ANKHD1: variants seen among roughly 807,000 people sequenced by gnomAD.
ANKHD1 encodes the protein ankyrin repeat and KH domain-containing protein 1.
In ANKHD1, 31 loss-of-function variants were observed where a neutral mutation model predicts 230.5. That is an observed-to-expected ratio of 0.13 (90% CI 0.10 to 0.18). ANKHD1 has a LOEUF of 0.18. Among genes scored for constraint, ANKHD1 ranks in the 10% least tolerant of loss-of-function variants. The pLI is 1.00. For synonymous variants in ANKHD1, 1,074 were observed against 1,117.6 expected, an observed-to-expected ratio of 0.96 and a Z score of 0.78; for missense variants, 2,256 against 3,071.3, an observed-to-expected ratio of 0.73 and a Z score of 6.27.
At chr5:140,489,764 C>T (rs777318942) in intron 14 of ANKHD1, among the ~76,000 whole-genome samples, 1 of 152,124 alleles carries the variant, frequency 6.6e-6, no homozygotes, top group Non-Finnish European at 1.5e-5. Context: ...AATCATTTTA[C>T]TAGATTATTA....
In ANKHD1 at chr5:140,504,809, A is replaced by G; in HGVS notation, c.3005-12A>G. On this transcript the variant is annotated splice_polypyrimidine_tract_variant and intron_variant, in intron 15 of 33. Transcript: ENST00000360839. Reference sequence around the variant, plus strand: ...TTAAGTGGAATTTAGCAATATGAATATTGTTTTTCAGCTGTGAGTACCAGA... The same window carrying G: ...TTAAGTGGAATTTAGCAATATGAATGTTGTTTTTCAGCTGTGAGTACCAGA... The G allele has an allele frequency of 6.2e-7, 1 of 1,605,496 alleles. No individual in the cohort carries two copies. Among genetic ancestry groups the G allele is most frequent in the African/African-American group, 1.3e-5 (1 of 74,620 alleles).
Position 140,538,927 on chromosome 5 carries a change from A to G in ANKHD1, c.7413A>G (p.Pro2471=). The part of the protein sequence containing the change: ...SGFVDFSKGL[P]ISMYGGTIIP... Reference sequence around the variant, plus strand: ...TTTTCCTGCTGTTTTAGGGTCTGCCAATTTCCATGTATGGAGGCACCATAA... The same window carrying G: ...TTTTCCTGCTGTTTTAGGGTCTGCCGATTTCCATGTATGGAGGCACCATAA... The change falls in exon 33 of 34, where the codon CCA becomes CCG. Residue 2471 remains proline, a synonymous_variant. Coordinates refer to ENST00000360839, the MANE Select transcript of ANKHD1 (RefSeq NM_017747.3). 2 of 1,542,622 alleles carry G rather than the reference A, an allele frequency of 1.3e-6. No individual in the cohort carries two copies. Among genetic ancestry groups the G allele is most frequent in the Non-Finnish European group, 1.7e-6 (2 of 1,147,438 alleles).
chr5:140,483,210 C>G (rs764634442), intron 11 of ANKHD1, among the ~76,000 whole-genome samples: 1 of 151,832 alleles, frequency 6.6e-6, no homozygotes, highest in Non-Finnish European at 1.5e-5. Context: ...TAGGTTTAAC[C>G]GTATATAATT....
intron 2 of ANKHD1, among the ~76,000 whole-genome samples, chr5:140,436,827 A>G (rs1773484710): frequency 6.6e-6 from 1 of 151,950 alleles, no homozygotes; most frequent in Non-Finnish European, 1.5e-5. Flanking sequence ...TGTGGGAGAT[A>G]AATTTAGTTA....
chr5:140,424,881 A>AT (rs1318501212), intron 1 of ANKHD1, among the ~76,000 whole-genome samples: 1 of 152,208 alleles, frequency 6.6e-6, no homozygotes, highest in Non-Finnish European at 1.5e-5. Context: ...TCTGAAACAC[A>AT]TAGCTTCAGA....
At chr5:140,505,943 G>A in intron 18 of ANKHD1, 74 bp downstream of exon 18, 1 of 1,505,620 alleles carries the variant, frequency 6.6e-7, no homozygotes, top group Non-Finnish European at 8.8e-7. Flanking sequence ...TCGTATTTTA[G>A]CTACATGAAT....
chr5:140,437,578 C>G (rs1345572224), intron 2 of ANKHD1, among the ~76,000 whole-genome samples: 1 of 152,226 alleles, frequency 6.6e-6, no homozygotes, highest in East Asian at 1.9e-4. Context: ...TGGCGGCGCA[C>G]CCCTGTAATC....
intron 11 of ANKHD1, among the ~76,000 whole-genome samples, chr5:140,484,259 C>A (rs1226772596): frequency 6.6e-6 from 1 of 152,124 alleles, no homozygotes; most frequent in Non-Finnish European, 1.5e-5. Flanking sequence ...ATGAATATTT[C>A]TATAGTCTTA....
chr5:140,471,630 T>G (rs1776502297), intron 10 of ANKHD1, among the ~76,000 whole-genome samples: 1 of 152,210 alleles, frequency 6.6e-6, no homozygotes, highest in Admixed American at 6.5e-5. Flanking sequence ...ATTTGGAGAT[T>G]TAGTTGACTC....
At chr5:140,470,345 ATT>A (rs747520769) in intron 10 of ANKHD1, among the ~76,000 whole-genome samples, 7 of 142,600 alleles carry the variant, frequency 4.9e-5, no homozygotes, top group Non-Finnish European at 6.2e-5. Flanking sequence ...AATTTTTAAA[ATT>A]TTTTTTTTTT....
intron 14 of ANKHD1, among the ~76,000 whole-genome samples, chr5:140,493,311 C>T (rs769003385): frequency 5.3e-5 from 8 of 152,148 alleles, no homozygotes; most frequent in Admixed American, 1.3e-4. Context: ...GTGATCCACC[C>T]GTCTTGGCCT....
intron 7 of ANKHD1, among the ~76,000 whole-genome samples, chr5:140,451,436 T>C (rs1482472982): frequency 6.6e-6 from 1 of 152,216 alleles, no homozygotes; most frequent in Non-Finnish European, 1.5e-5. Context: ...TCAAAAGTGA[T>C]TAAGGCTGGG....
intron 24 of ANKHD1, among the ~76,000 whole-genome samples, chr5:140,515,212 A>G (rs1192448653): frequency 6.6e-6 from 1 of 151,838 alleles, no homozygotes; most frequent in Non-Finnish European, 1.5e-5. Context: ...CGGGAGGCAG[A>G]AGTTGCAGTG....
In ANKHD1 at chr5:140,453,550, C is replaced by A. The variant is rs530211743; in HGVS notation, c.1242+4245C>A. On this transcript the variant is annotated intron_variant, in intron 7 of 33. Coordinates refer to ENST00000360839, the MANE Select transcript of ANKHD1 (RefSeq NM_017747.3). The stretch of plus-strand genomic sequence containing the variant: ...CTCTACAAGCCAGAAGAGAATGGGG[C>A]CCAATATTCAACATTCTTAAAGAAA... Among the ~76,000 whole-genome samples, 19 of 151,512 alleles carry A rather than the reference C, an allele frequency of 1.3e-4. 1 individual carries two copies. Among genetic ancestry groups the A allele is most frequent in the Admixed American group, 9.9e-4 (15 of 15,172 alleles).
chr5:140,463,803 G>A (rs1411441195), intron 9 of ANKHD1, among the ~76,000 whole-genome samples: 2 of 152,044 alleles, frequency 1.3e-5, no homozygotes, highest in African/African-American at 4.8e-5. Flanking sequence ...CTACAGGCAT[G>A]TGCCATCATG....
intron 7 of ANKHD1, among the ~76,000 whole-genome samples, chr5:140,453,527 C>G (rs1268425840): frequency 2.0e-5 from 3 of 152,152 alleles, no homozygotes; most frequent in Admixed American, 1.3e-4. Context: ...GGCAGAAACT[C>G]TACAAGCCAG....
intron 10 of ANKHD1, among the ~76,000 whole-genome samples, chr5:140,476,258 C>T (rs144302088): frequency 3.4e-4 from 52 of 152,016 alleles, no homozygotes; most frequent in African/African-American, 1.2e-3. Context: ...AGAAGCTCCA[C>T]CATATTATCT....
chr5:140,471,037 G>A (rs1436656698), intron 10 of ANKHD1, among the ~76,000 whole-genome samples: 1 of 152,004 alleles, frequency 6.6e-6, no homozygotes, highest in African/African-American at 2.4e-5. Context: ...TGGAATATTT[G>A]CAGAATACAT....
At chr5:140,494,851 A>G (rs1182219964) in intron 14 of ANKHD1, among the ~76,000 whole-genome samples, 1 of 152,210 alleles carries the variant, frequency 6.6e-6, no homozygotes, top group African/African-American at 2.4e-5. Flanking sequence ...AAAATAATAG[A>G]TAACTTTTTT....
Sources: allele counts gnomAD v4.1 joint callset (sites outside exome capture counted in the v4.1 genomes callset), GRCh38; gene constraint gnomAD v4.1.1; transcripts MANE v1.5; gene names NCBI Gene and HGNC (gene_info 2026-07-23, HGNC 2026-07-21).